The following MFAP3 variants were observed in gnomAD, a reference collection of about 807,000 sequenced individuals.
MFAP3 encodes the protein microfibril associated protein 3.
A neutral mutation model predicts 20.5 loss-of-function variants in MFAP3; 8 were observed. The observed-to-expected ratio is 0.39, with a 90% CI of 0.23 to 0.70. The LOEUF (loss-of-function observed/expected upper bound fraction) is 0.70, where lower values mean the gene tolerates loss of function less well. Ranked by LOEUF, MFAP3 falls within the 30% of genes least tolerant of loss-of-function variation. The probability of loss-of-function intolerance (pLI) is 0.44; values close to 1 mark genes in which losing one functional copy is unlikely to be tolerated. For synonymous variants in MFAP3, 140 were observed against 154.0 expected (o/e 0.91, Z 0.67); for missense variants, 398 against 444.6 (o/e 0.90, Z 0.94).
At chr5:154,040,963 C>T (rs1772933045) in intron 1 of MFAP3, among the ~76,000 whole-genome samples, 1 of 152,122 alleles carries the variant, frequency 6.6e-6, no homozygotes, top group Non-Finnish European at 1.5e-5. Context: ...TGTCTGAACT[C>T]AAAATTTTGA....
At chr5:154,049,445 C>T in intron 1 of MFAP3, 112 bp from the exon 2 acceptor site, 1 of 342,388 alleles carries the variant, frequency 2.9e-6, no homozygotes, top group South Asian at 3.7e-5. Context: ...CTAATTACTC[C>T]CCAATGTCAG....
chr5:154,044,332 C>T (rs924710921), intron 1 of MFAP3, among the ~76,000 whole-genome samples: 71 of 152,210 alleles, frequency 4.7e-4, no homozygotes, highest in Non-Finnish European at 1.8e-4. Flanking sequence ...TAATAGTACC[C>T]TGATACCAAG....
chr5:154,054,223 A>G lies in MFAP3; in HGVS notation c.*510A>G, dbSNP rs912906894. ...TTCTTTTGGAAAGGATTAAGCTGAG[A>G]TCTAAATTTCCACACCAATGTCATA... On this transcript the variant is annotated 3_prime_UTR_variant, in exon 3 of 3. Coordinates refer to ENST00000522782, the MANE Select transcript of MFAP3 (RefSeq NM_005927.5). The G allele has an allele frequency of 5.9e-6, 1 of 168,376 alleles. No individual in the cohort carries two copies. The highest frequency in any genetic ancestry group is 6.4e-5 in the Admixed American group (1 of 15,592). The allele number at this position is 168,376 out of a possible 1,614,324, so 10.4% of individuals were successfully genotyped here. A position where few individuals can be genotyped will look rare whatever the true frequency, so the allele number is the denominator to read the frequency against.
At chr5:154,047,998 A>G (rs1456626563) in intron 1 of MFAP3, among the ~76,000 whole-genome samples, 1 of 152,234 alleles carries the variant, frequency 6.6e-6, no homozygotes, top group Non-Finnish European at 1.5e-5. Flanking sequence ...AGCCCCTAGC[A>G]CAGTGCTTGG....
intron 1 of MFAP3, among the ~76,000 whole-genome samples, chr5:154,048,575 A>G (rs527597322): frequency 6.6e-6 from 1 of 152,306 alleles, no homozygotes; most frequent in South Asian, 2.1e-4. Context: ...CATATTTTAT[A>G]GAAATAAAAG....
Position 154,053,189 on chromosome 5 carries a change from A to G in MFAP3, c.565A>G (p.Arg189Gly), listed in dbSNP as rs760838482. The G allele has an allele frequency of 1.9e-6, 3 of 1,613,982 alleles. No individual in the cohort carries two copies. Among genetic ancestry groups the G allele is most frequent in the Non-Finnish European group, 2.5e-6 (3 of 1,179,908 alleles). ...TGAGAAGGCTATCAATGAGTTCTTT[A>G]GAACTGAAGGGGCTGAGAAACTTCA... ...KTEKAINEFFRTEGAEKLQKA... is the reference protein window; with the variant it reads ...KTEKAINEFFGTEGAEKLQKA... Residue 189 changes from arginine to glycine, a missense_variant, in exon 3 of 3, where the codon AGA (arginine) becomes GGA (glycine). By Grantham distance (125) the Arg-to-Gly change is moderately radical. Coordinates refer to ENST00000522782, the MANE Select transcript of MFAP3 (RefSeq NM_005927.5).
In MFAP3 at chr5:154,053,433, GAATT is replaced by G; in HGVS notation, c.812_815del (p.Ile271LysfsTer6). 1 of 1,613,978 alleles carries G rather than the reference GAATT, an allele frequency of 6.2e-7. No homozygotes were observed. On this transcript the variant is annotated frameshift_variant, in exon 3 of 3. Transcript: ENST00000522782. LOFTEE classifies it high-confidence loss of function. ...GACGACCCTGATGACCTGGGTGAAA[GAATT>G]AAAGAGAGACCTGCCTTGAATGCTC... is the stretch of plus-strand genomic sequence containing the variant.
In MFAP3 at chr5:154,055,336, G is replaced by A. The variant is rs1393367456; in HGVS notation, c.*1623G>A. Among the ~76,000 whole-genome samples the A allele has an allele frequency of 1.3e-5, 2 of 152,170 alleles. No individual in the cohort carries two copies. Among genetic ancestry groups the A allele is most frequent in the East Asian group, 1.9e-4 (1 of 5,196 alleles). ...TGCCTCCCTTTGTCCAGGCTTATCA[G>A]AAGTAATACATCTGCTCTGAATAGC... On this transcript the variant is annotated 3_prime_UTR_variant, in exon 3 of 3. Coordinates refer to ENST00000522782, the MANE Select transcript of MFAP3 (RefSeq NM_005927.5).
In MFAP3 at chr5:154,054,603, A is replaced by T. The variant is rs937186995; in HGVS notation, c.*890A>T. 1 of 167,068 alleles carries T rather than the reference A, an allele frequency of 6.0e-6. No homozygotes were observed. Among genetic ancestry groups the T allele is most frequent in the African/African-American group, 2.4e-5 (1 of 41,464 alleles). 10.3% of individuals were successfully genotyped at this position (167,068 alleles called of 1,614,324 possible). On this transcript the variant is annotated 3_prime_UTR_variant, in exon 3 of 3. Coordinates refer to ENST00000522782, the MANE Select transcript of MFAP3 (RefSeq NM_005927.5). ...GTCTTCTGGAAAATCATGGATTTTC[A>T]TATTTCTGTTAACAGAATTTCTCAG...
intron 2 of MFAP3, chr5:154,051,989 A>G (rs1773202622): frequency 6.6e-6 from 1 of 152,184 alleles, no homozygotes; most frequent in Non-Finnish European, 1.5e-5. Context: ...TAGTTAAAGC[A>G]CAGAGTGCTT....
rs690592 is a variant in MFAP3, at chr5:154,049,899, T to A, written c.177T>A (p.Asp59Glu). ...ELSASSHSDDDVIIAKEGTSV... is the reference protein window; with the variant it reads ...ELSASSHSDDEVIIAKEGTSV... ...CAGCAAGTTCCCACTCGGATGATGA[T>A]GTCATCATAGCCAAAGAGGGAACTA... The change falls in exon 2 of 3, where the codon GAT becomes GAA. Residue 59 changes from aspartate (D) to glutamate (E), a missense_variant. Coordinates refer to ENST00000522782, the MANE Select transcript of MFAP3 (RefSeq NM_005927.5). 6.2e-7 allele frequency: 1 copy of A among 1,613,372 alleles called. No individual in the cohort carries two copies. Among genetic ancestry groups the A allele is most frequent in the South Asian group, 1.1e-5 (1 of 91,074 alleles).
intron 1 of MFAP3, among the ~76,000 whole-genome samples, chr5:154,041,831 G>T (rs1772960387): frequency 6.6e-6 from 1 of 152,142 alleles, no homozygotes; most frequent in Middle Eastern, 3.2e-3. Flanking sequence ...GAGACAACAG[G>T]ACTTAATTGA....
chr5:154,045,891 T>C (rs1215824813), intron 1 of MFAP3, among the ~76,000 whole-genome samples: 2 of 152,208 alleles, frequency 1.3e-5, no homozygotes, highest in Admixed American at 1.3e-4. Flanking sequence ...ATTGGAAATA[T>C]TCAAATAGCC....
intron 1 of MFAP3, among the ~76,000 whole-genome samples, chr5:154,045,006 A>C (rs1179441952): frequency 6.7e-6 from 1 of 150,342 alleles, no homozygotes; most frequent in African/African-American, 2.4e-5. Flanking sequence ...ACCATGTATG[A>C]GTCTCTCTTT....
At position 154,053,696 on chromosome 5, in the gene MFAP3, G is replaced by A; in HGVS notation, c.1072G>A (p.Glu358Lys). 1 of 1,611,220 alleles carries A rather than the reference G, an allele frequency of 6.2e-7. No homozygotes were observed. The highest frequency in any genetic ancestry group is 8.5e-7 in the Non-Finnish European group (1 of 1,178,002). Residue 358 changes from glutamate to lysine, a missense_variant, in exon 3 of 3, where the codon GAA becomes AAA. Glu to Lys is a moderately conservative substitution (Grantham distance 56, BLOSUM62 1). Coordinates refer to ENST00000522782, the MANE Select transcript of MFAP3 (RefSeq NM_005927.5). ...CTGTAACTACAAAGATGGGGCATATGAAAACTGTCAGCTGTAACCTACAAT... is the reference window on the plus strand; with the variant it reads ...CTGTAACTACAAAGATGGGGCATATAAAAACTGTCAGCTGTAACCTACAAT... ...SNCNYKDGAYENCQL is the reference protein window; with the variant it reads ...SNCNYKDGAYKNCQL
rs1160171842 is a variant in MFAP3 at position 154,053,990 on chromosome 5, A to T, written c.*277A>T. 1.1e-5 allele frequency: 4 copies of T among 358,252 alleles called. No homozygotes were observed. Among genetic ancestry groups the T allele is most frequent in the Non-Finnish European group, 2.1e-5 (4 of 187,920 alleles). 22.2% of individuals were successfully genotyped at this position (358,252 alleles called of 1,614,324 possible). On this transcript the variant is annotated 3_prime_UTR_variant, in exon 3 of 3. Coordinates refer to ENST00000522782, the MANE Select transcript of MFAP3 (RefSeq NM_005927.5). ...CATGATGGGGAAAAGCACTGAACTA[A>T]GAGTCCCATGGTTTCTCTTCTGGTC...
intron 1 of MFAP3, among the ~76,000 whole-genome samples, chr5:154,043,548 T>TCACACACA (rs145579460): frequency 3.3e-5 from 5 of 149,326 alleles, no homozygotes; most frequent in Admixed American, 1.3e-4. Flanking sequence ...CGAAACTCCG[T>TCACACACA]CACACACACA....
chr5:154,040,710 A>G (rs539416083), intron 1 of MFAP3, among the ~76,000 whole-genome samples: 1 of 152,348 alleles, frequency 6.6e-6, no homozygotes, highest in African/African-American at 2.4e-5. Context: ...CAATTCAATA[A>G]GTCTGTGGGG....
chr5:154,042,833 T>A (rs1027073037), intron 1 of MFAP3, among the ~76,000 whole-genome samples: 8 of 149,028 alleles, frequency 5.4e-5, no homozygotes, highest in Admixed American at 6.7e-5. Context: ...AATTGGAGTT[T>A]AAAAAAAAAA....
Sources: allele counts gnomAD v4.1 joint callset (sites outside exome capture counted in the v4.1 genomes callset), GRCh38; gene constraint gnomAD v4.1.1; transcripts MANE v1.5; gene names NCBI Gene and HGNC (gene_info 2026-07-23, HGNC 2026-07-21).